The following GRM7 variants were observed in gnomAD, a reference collection of about 807,000 sequenced individuals.
The protein encoded by GRM7 is metabotropic glutamate receptor 7.
A neutral mutation model predicts 84.5 loss-of-function variants in GRM7; 35 were observed. The ratio of observed to expected loss-of-function variants is 0.41; its 90% CI spans 0.32 to 0.55. The LOEUF is 0.55. GRM7 is among the 20% of genes least tolerant of loss of function. The pLI is 0.19. For missense variants in GRM7, 1,003 were observed against 1,194.6 expected (o/e 0.84, Z 2.36); for synonymous variants, 487 against 455.1 (o/e 1.07, Z -0.89).
chr3:7,102,839 T>C (rs1699160936), intron 1 of GRM7, among the ~76,000 whole-genome samples: 1 of 151,874 alleles, frequency 6.6e-6, no homozygotes, highest in Admixed American at 6.6e-5. Context: ...TGTTAAGCCA[T>C]TCCAGTACAT....
At chr3:7,262,778 A>G (rs1216154134) in intron 2 of GRM7, among the ~76,000 whole-genome samples, 1 of 152,106 alleles carries the variant, frequency 6.6e-6, no homozygotes, top group Non-Finnish European at 1.5e-5. Flanking sequence ...GCTCACTGCA[A>G]CCTCCACCTC....
At position 7,200,602 on chromosome 3, in the gene GRM7, C is replaced by T. The variant is rs183163225; in HGVS notation, c.736+53934C>T. Reference sequence around the variant, plus strand: ...CAAGCTTTAGCATGCATCAGTATCACGTGAAAGGAACAGACTGCTGCACTC... The same window carrying T: ...CAAGCTTTAGCATGCATCAGTATCATGTGAAAGGAACAGACTGCTGCACTC... On this transcript the variant is annotated intron_variant, in intron 2 of 9. Coordinates refer to ENST00000357716, the MANE Select transcript of GRM7 (RefSeq NM_000844.4). Among the ~76,000 whole-genome samples, 330 of 152,236 alleles carry T rather than the reference C, an allele frequency of 2.2e-3. 3 individuals carry two copies. The highest frequency in any genetic ancestry group is 7.4e-3 in the African/African-American group (306 of 41,542).
chr3:7,153,503 C>T (rs1694353096), intron 2 of GRM7, among the ~76,000 whole-genome samples: 1 of 152,112 alleles, frequency 6.6e-6, no homozygotes, highest in South Asian at 2.1e-4. Flanking sequence ...GTGCCCAACA[C>T]AGACTAGGTT....
intron 2 of GRM7, among the ~76,000 whole-genome samples, chr3:7,290,491 C>T (rs1699583069): frequency 6.6e-6 from 1 of 152,162 alleles, no homozygotes; most frequent in Admixed American, 6.5e-5. Flanking sequence ...TTTATAGAGA[C>T]TTGCTGTTCA....
At chr3:7,511,584 A>G (rs1191694026) in intron 7 of GRM7, among the ~76,000 whole-genome samples, 1 of 151,970 alleles carries the variant, frequency 6.6e-6, no homozygotes, top group East Asian at 1.9e-4. Flanking sequence ...ATACCCAGAC[A>G]TGCACCATCT....
chr3:7,298,677 T>C lies in GRM7; in HGVS notation c.737-7T>C, dbSNP rs745421491. 1 of 1,612,172 alleles carries C rather than the reference T, an allele frequency of 6.2e-7. No individual in the cohort carries two copies. On this transcript the variant is annotated splice_region_variant and splice_polypyrimidine_tract_variant and intron_variant, in intron 2 of 9. Coordinates refer to ENST00000357716, the MANE Select transcript of GRM7 (RefSeq NM_000844.4). ...TTATTGACACTATGTTTTCTTCTCTTAAACAGGTGGACTCTGCATTGCCCA... is the reference window on the plus strand; with the variant it reads ...TTATTGACACTATGTTTTCTTCTCTCAAACAGGTGGACTCTGCATTGCCCA...
intron 8 of GRM7, among the ~76,000 whole-genome samples, chr3:7,644,120 T>TTGTTGCG (rs55748562): frequency 8.3e-6 from 1 of 119,916 alleles, no homozygotes; most frequent in African/African-American, 3.1e-5. Flanking sequence ...ACTGTGCATG[T>TTGTTGCG]TGTGTGTGTG....
chr3:7,676,417 GATTAT>G (rs751979440), intron 8 of GRM7, among the ~76,000 whole-genome samples: 1 of 152,052 alleles, frequency 6.6e-6, no homozygotes. Context: ...TTGATAAACA[GATTAT>G]ATTTTTATCA....
intron 1 of GRM7, among the ~76,000 whole-genome samples, chr3:7,115,670 G>A (rs1490302694): frequency 6.6e-6 from 1 of 152,090 alleles, no homozygotes; most frequent in Non-Finnish European, 1.5e-5. Context: ...TAGCTGTAAT[G>A]GTGTCACTCA....
At chr3:7,690,706 G>T (rs1700767308) in intron 9 of GRM7, among the ~76,000 whole-genome samples, 1 of 152,168 alleles carries the variant, frequency 6.6e-6, no homozygotes, top group Non-Finnish European at 1.5e-5. Context: ...ACATGAACTT[G>T]AAAGATTCCA....
At chr3:6,911,948 A>G (rs1696786068) in intron 1 of GRM7, among the ~76,000 whole-genome samples, 3 of 152,166 alleles carry the variant, frequency 2.0e-5, no homozygotes, top group Non-Finnish European at 4.4e-5. Flanking sequence ...ATCGACTGTA[A>G]GAAAAATGAT....
chr3:7,643,889 G>A (rs962590113), intron 8 of GRM7, among the ~76,000 whole-genome samples: 1 of 151,910 alleles, frequency 6.6e-6, no homozygotes, highest in Non-Finnish European at 1.5e-5. Flanking sequence ...CATGTCTTTT[G>A]TATGTGAGAT....
In GRM7 at chr3:7,146,487, G is replaced by C; in HGVS notation, c.555G>C (p.Glu185Asp). The change falls in exon 2 of 10, where the codon GAG becomes GAC. Residue 185 changes from glutamate (E) to aspartate (D), a missense_variant. This residue lies in a region of GRM7 where 910 missense variants were observed against 1,126.0 expected (regional missense o/e 0.81). Coordinates refer to ENST00000357716, the MANE Select transcript of GRM7 (RefSeq NM_000844.4). ...PQISYASTAP[E>D]LSDDRRYDFF... is the part of the protein sequence containing the mutation. ...TTAGTTATGCATCAACGGCACCCGAGCTAAGTGATGACCGGCGCTATGACT... is the reference window on the plus strand; with the variant it reads ...TTAGTTATGCATCAACGGCACCCGACCTAAGTGATGACCGGCGCTATGACT... 6.2e-7 allele frequency: 1 copy of C among 1,613,868 alleles called. No individual in the cohort carries two copies. The highest frequency in any genetic ancestry group is 2.2e-5 in the East Asian group (1 of 44,876).
chr3:7,574,629 G>A (rs576270712), intron 7 of GRM7, among the ~76,000 whole-genome samples: 19 of 152,320 alleles, frequency 1.2e-4, no homozygotes, highest in South Asian at 8.3e-4. Flanking sequence ...AGAAGCTGAC[G>A]TACTTGCATC....
At chr3:7,029,331 AC>A (rs1195994867) in intron 1 of GRM7, among the ~76,000 whole-genome samples, 25 of 151,350 alleles carry the variant, frequency 1.7e-4, no homozygotes, top group Admixed American at 6.6e-4. Context: ...AAAAAAACAA[AC>A]AAAAAAAACA....
At chr3:7,449,414 A>C (rs1697671118) in intron 5 of GRM7, among the ~76,000 whole-genome samples, 1 of 152,158 alleles carries the variant, frequency 6.6e-6, no homozygotes, top group Admixed American at 6.5e-5. Context: ...TTTAAATACA[A>C]CAGAAACCCA....
chr3:7,240,745 C>G (rs1697528637), intron 2 of GRM7, among the ~76,000 whole-genome samples: 1 of 152,148 alleles, frequency 6.6e-6, no homozygotes, highest in African/African-American at 2.4e-5. Context: ...AGCATAGTGC[C>G]TGGCACATAA....
At chr3:7,267,174 C>G (rs548989718) in intron 2 of GRM7, among the ~76,000 whole-genome samples, 8 of 152,294 alleles carry the variant, frequency 5.3e-5, no homozygotes, top group African/African-American at 1.9e-4. Context: ...TCGAAGTTCA[C>G]TGATTGATAC....
intron 4 of GRM7, among the ~76,000 whole-genome samples, chr3:7,388,781 ATTC>A (rs905993472): frequency 6.6e-6 from 1 of 151,926 alleles, no homozygotes; most frequent in African/African-American, 2.4e-5. Context: ...CTTTTTGAGT[ATTC>A]TTTTTTCTTT....
Sources: gnomAD v4.1 joint callset for allele counts (sites outside exome capture counted in the v4.1 genomes callset) on GRCh38, gnomAD v4.1.1 for gene constraint, gnomAD v4.1.1 regional missense constraint, MANE v1.5 for transcripts, NCBI Gene and HGNC (gene_info 2026-07-23, HGNC 2026-07-21) for gene names.